The following WWTR1 variants were observed in gnomAD, a reference collection of about 807,000 sequenced individuals.
The protein encoded by WWTR1 is WW domain-containing transcription regulator protein 1.
In WWTR1, 13 loss-of-function variants were observed where a neutral mutation model predicts 40.1. That is an observed-to-expected ratio of 0.32 (90% CI 0.21 to 0.52). The LOEUF is 0.52. Ranked by LOEUF, WWTR1 falls within the 20% of genes least tolerant of loss-of-function variation. The pLI, the probability that WWTR1 is intolerant of heterozygous loss-of-function variation, is 0.97. For synonymous variants in WWTR1, 230 were observed against 210.1 expected, an observed-to-expected ratio of 1.09 and a Z score of -0.82; for missense variants, 436 against 523.1, an observed-to-expected ratio of 0.83 and a Z score of 1.63.
In WWTR1 at chr3:149,677,361, T is replaced by G. The variant is rs146138237; in HGVS notation, c.-107-7470A>C. ...ATACAAACAGCTCTGGCACGTAATA[T>G]TAAAGTAGTGATCCCAAAATTCTGT... On this transcript the variant is annotated intron_variant, in intron 1 of 7. Transcript: ENST00000465804. 2.0e-5 allele frequency among the ~76,000 whole-genome samples: 3 copies of G among 152,336 alleles called. No homozygotes were observed. The East Asian group carries it at 5.8e-4, about 29-fold the overall frequency.
upstream of WWTR1, among the ~76,000 whole-genome samples, chr3:149,706,202 C>CAAAAGAAAAAATAA (rs1018147700): frequency 6.7e-6 from 1 of 149,614 alleles, no homozygotes; most frequent in Non-Finnish European, 1.5e-5. Flanking sequence ...GACTCTGTCT[C>CAAAAGAAAAAATAA]AAAAGAAAAA....
At chr3:149,685,308 T>C (rs1714608087) in intron 1 of WWTR1, among the ~76,000 whole-genome samples, 2 of 152,224 alleles carry the variant, frequency 1.3e-5, no homozygotes, top group Admixed American at 6.5e-5. Flanking sequence ...GGGGCTGGGA[T>C]AACTATAAGA....
chr3:149,639,029 G>A (rs946038999), intron 2 of WWTR1, among the ~76,000 whole-genome samples: 3 of 152,274 alleles, frequency 2.0e-5, no homozygotes, highest in South Asian at 2.1e-4. Context: ...TTGGGCTGCC[G>A]TGAAGAACCA....
rs147841217 is a variant in WWTR1, at chr3:149,721,151, G to A, written n.459+2929C>T. Among the ~76,000 whole-genome samples, 8 of 151,910 alleles carry A rather than the reference G, an allele frequency of 5.3e-5. No individual in the cohort carries two copies. The East Asian group carries it at 1.4e-3, about 26-fold the overall frequency. ...ATGTCTAGCATTTCCAATGCTATAC[G>A]GTGAAAGTGGAAATTTTTTTCTTGT... is the stretch of plus-strand genomic sequence containing the variant. On this transcript the variant is annotated intron_variant and non_coding_transcript_variant, in intron 4 of 6. Transcript: ENST00000474080.
At chr3:149,609,916 C>A (rs1043272152) in intron 2 of WWTR1, among the ~76,000 whole-genome samples, 6 of 152,196 alleles carry the variant, frequency 3.9e-5, no homozygotes, top group African/African-American at 1.4e-4. Flanking sequence ...TCCTCTGCCT[C>A]ACGTCCAGTG....
intron 2 of WWTR1, among the ~76,000 whole-genome samples, chr3:149,637,521 G>A (rs570461641): frequency 6.6e-6 from 1 of 152,034 alleles, no homozygotes; most frequent in Admixed American, 6.6e-5. Context: ...ATGAGCCACC[G>A]TGCCCGGCCC....
chr3:149,540,079 T>TACACAG, intron 4 of WWTR1: 1 of 270,202 alleles, frequency 3.7e-6, no homozygotes. Flanking sequence ...TCCTCCTAAC[T>TACACAG]ACACACACAC....
rs1230711642 is a variant in WWTR1 at position 149,518,870 on chromosome 3, C to T, written c.*1935G>A. ...TTGTTTTGCTTTTGGGGTACTATAA[C>T]TTGTCTCTTTCCATTTCACAACTAG... On this transcript the variant is annotated 3_prime_UTR_variant, in exon 7 of 7. Coordinates refer to ENST00000360632, the MANE Select transcript of WWTR1 (RefSeq NM_015472.6). The T allele has an allele frequency of 6.6e-6, 1 of 151,670 alleles. No individual in the cohort carries two copies. Among genetic ancestry groups the T allele is most frequent in the African/African-American group, 2.4e-5 (1 of 41,292 alleles). 9.4% of individuals were successfully genotyped at this position (151,670 alleles called of 1,614,324 possible).
upstream of WWTR1, among the ~76,000 whole-genome samples, chr3:149,662,179 A>G (rs2108175530): frequency 6.6e-6 from 1 of 152,112 alleles, no homozygotes; most frequent in East Asian, 1.9e-4. Flanking sequence ...AACCATGTTA[A>G]AAAAAAACAA....
chr3:149,613,714 A>AT (rs1338673024), intron 2 of WWTR1, among the ~76,000 whole-genome samples: 1 of 151,832 alleles, frequency 6.6e-6, no homozygotes, highest in Non-Finnish European at 1.5e-5. Flanking sequence ...TACCCAGCTA[A>AT]TTTTTTAATT....
chr3:149,605,191 T>C (rs1702782345), intron 2 of WWTR1, among the ~76,000 whole-genome samples: 1 of 152,214 alleles, frequency 6.6e-6, no homozygotes, highest in Non-Finnish European at 1.5e-5. Context: ...TTATCCTAAA[T>C]GCCAAACGAG....
intron 1 of WWTR1, among the ~76,000 whole-genome samples, chr3:149,693,102 A>G (rs1450406667): frequency 6.6e-6 from 1 of 152,244 alleles, no homozygotes; most frequent in African/African-American, 2.4e-5. Flanking sequence ...CCCCCAAAAA[A>G]CAATTAGAAC....
At chr3:149,666,948 CA>C (rs1236158725) in intron 2 of WWTR1, among the ~76,000 whole-genome samples, 2 of 152,190 alleles carry the variant, frequency 1.3e-5, no homozygotes, top group East Asian at 3.8e-4. Flanking sequence ...TATCATTTCA[CA>C]AATGTTTTGT....
rs61121371 is a variant in WWTR1, at chr3:149,597,577, G to A, written c.432-24577C>T. Among the ~76,000 whole-genome samples the A allele has an allele frequency of 0.02, 3,009 of 152,138 alleles. 207 individuals are homozygous for A. The East Asian group carries it at 0.22, about 11-fold the overall frequency. ...GAAGGATCACCTGAGCTCAAGGGAG[G>A]GTGAGGCTGCTGTGAGCTGTGTGAG... On this transcript the variant is annotated intron_variant, in intron 2 of 6. Transcript: ENST00000360632.
chr3:149,573,345 C>T (rs1737733150), intron 2 of WWTR1, among the ~76,000 whole-genome samples: 1 of 152,132 alleles, frequency 6.6e-6, no homozygotes, highest in Admixed American at 6.5e-5. Flanking sequence ...CACTGGAGTG[C>T]CATAGTGTGA....
intron 2 of WWTR1, among the ~76,000 whole-genome samples, chr3:149,579,795 A>G (rs1400044232): frequency 1.3e-5 from 2 of 152,256 alleles, no homozygotes; most frequent in Non-Finnish European, 1.5e-5. Flanking sequence ...ATGTTAAAAC[A>G]AATGTACATA....
intron 4 of WWTR1, among the ~76,000 whole-genome samples, chr3:149,718,820 C>G (rs550246647): frequency 7.2e-6 from 1 of 138,078 alleles, no homozygotes; most frequent in Admixed American, 7.1e-5. Context: ...TTTCTTTCTT[C>G]TTCTTCTTCA....
In WWTR1 at chr3:149,693,097, A is replaced by G. The variant is rs1412457779; in HGVS notation, c.-108+10027T>C. On this transcript the variant is annotated intron_variant, in intron 1 of 7. Transcript: ENST00000465804. ...TTTGGAAAAACCTAAAGACTCCCCC[A>G]AAAAACAATTAGAACTAATAAACAA... Among the ~76,000 whole-genome samples, 4 of 152,214 alleles carry G rather than the reference A, an allele frequency of 2.6e-5. No homozygotes were observed. The East Asian group carries it at 7.7e-4, about 29-fold the overall frequency.
chr3:149,537,842 G>C (rs990930887), intron 4 of WWTR1, among the ~76,000 whole-genome samples: 12 of 152,192 alleles, frequency 7.9e-5, no homozygotes, highest in Admixed American at 7.9e-4. Context: ...TGTAGTTTTG[G>C]GGGGAAGTCT....
Sources: allele counts gnomAD v4.1 joint callset (sites outside exome capture counted in the v4.1 genomes callset), GRCh38; gene constraint gnomAD v4.1.1; transcripts MANE v1.5; gene names NCBI Gene and HGNC (gene_info 2026-07-23, HGNC 2026-07-21).